The following NEK1 variants were observed in gnomAD, a reference collection of about 807,000 sequenced individuals.
The protein encoded by NEK1 is serine/threonine-protein kinase Nek1.
Under a neutral mutation model 182.1 loss-of-function variants are expected in NEK1, and 137 were observed. The observed-to-expected ratio is 0.75, with a 90% confidence interval of 0.65 to 0.87. The LOEUF is 0.87. Among genes scored for constraint, NEK1 ranks in the 40% least tolerant of loss-of-function variants. NEK1 has a pLI of 0.00. For missense variants in NEK1, 1,391 were observed against 1,494.4 expected (o/e 0.93, Z 1.14); for synonymous variants, 513 against 492.2 (o/e 1.04, Z -0.56).
In NEK1 at chr4:169,555,913, C is replaced by T. The variant is rs764372269; in HGVS notation, c.1430+19G>A. 1 of 1,613,388 alleles carries T rather than the reference C, an allele frequency of 6.2e-7. No homozygotes were observed. On this transcript the variant is annotated intron_variant, in intron 17 of 35. Coordinates refer to ENST00000507142, the MANE Select transcript of NEK1 (RefSeq NM_001199397.3). ...CTCAGAAGCAAAGCATAAGCAACTT[C>T]TGCAGAACATAGCCATACCTTTCTG... is the stretch of plus-strand genomic sequence containing the variant.
chr4:169,587,497 A>C, intron 9 of NEK1, 62 bp downstream of exon 9: 1 of 917,178 alleles, frequency 1.1e-6, no homozygotes, highest in African/African-American at 1.8e-5. Context: ...TTAAAATATA[A>C]TAAAAACATT....
intron 18 of NEK1, among the ~76,000 whole-genome samples, chr4:169,538,460 T>C (rs1255035149): frequency 6.6e-6 from 1 of 151,910 alleles, no homozygotes; most frequent in Non-Finnish European, 1.5e-5. Context: ...CAGTTATTTG[T>C]TTTAATCTTT....
chr4:169,437,657 A>G (rs549641720), intron 28 of NEK1, among the ~76,000 whole-genome samples: 9 of 152,322 alleles, frequency 5.9e-5, no homozygotes, highest in Admixed American at 5.2e-4. Flanking sequence ...CCTGCCAGAA[A>G]GAGTACATAG....
At chr4:169,544,928 C>A (rs1389746745) in intron 18 of NEK1, among the ~76,000 whole-genome samples, 27 of 151,578 alleles carry the variant, frequency 1.8e-4, no homozygotes, top group Admixed American at 1.2e-3. Flanking sequence ...TAAAAAAAAA[C>A]CAGCTCCTGG....
chr4:169,404,396 A>C (rs556941673), intron 32 of NEK1, among the ~76,000 whole-genome samples: 22 of 152,290 alleles, frequency 1.4e-4, no homozygotes, highest in African/African-American at 4.1e-4. Context: ...CAGAAACTTA[A>C]GAAGCAAGGG....
At chr4:169,569,825 G>C (rs1044411911) in intron 12 of NEK1, among the ~76,000 whole-genome samples, 1 of 152,176 alleles carries the variant, frequency 6.6e-6, no homozygotes, top group African/African-American at 2.4e-5. Context: ...GTGCAGTGTC[G>C]TGATCTCGGC....
chr4:169,400,296 A>C lies in NEK1; in HGVS notation c.3776T>G (p.Leu1259Trp). The stretch of plus-strand genomic sequence containing the variant: ...ATAAAGATGCTGATGTTCATTTCCC[A>C]AAATATTTTGAACTATTTTTGAACA... ...EICSKIVQNI[L>W]GNEHQHLYAK... Residue 1259 changes from leucine to tryptophan, a missense_variant, in exon 35 of 36, where the codon TTG becomes TGG. Leu to Trp is a moderately conservative substitution (Grantham distance 61, BLOSUM62 -2). Transcript: ENST00000507142. The C allele has an allele frequency of 6.4e-7, 1 of 1,557,246 alleles. No individual in the cohort carries two copies. Among genetic ancestry groups the C allele is most frequent in the South Asian group, 1.2e-5 (1 of 84,020 alleles).
chr4:169,476,296 T>C (rs1746933927), intron 26 of NEK1, among the ~76,000 whole-genome samples: 1 of 152,122 alleles, frequency 6.6e-6, no homozygotes, highest in African/African-American at 2.4e-5. Context: ...TCTTATGTAT[T>C]CCTGCAGTAG....
At position 169,400,548 on chromosome 4, in the gene NEK1, T is replaced by A; in HGVS notation, c.3687A>T (p.Lys1229Asn). 6.2e-7 allele frequency: 1 copy of A among 1,605,214 alleles called. No homozygotes were observed. Among genetic ancestry groups the A allele is most frequent in the Non-Finnish European group, 8.5e-7 (1 of 1,176,986 alleles). ...TTATTTTCTCATAAACCTCAAAGAA[T>A]TTTTCAAAGCCCATTTCCTGCTCCA... The part of the protein sequence containing the change: ...LHLEQEMGFE[K>N]FFEVYEKIKA... The change falls in exon 34 of 36, where the codon AAA (lysine) becomes AAT (asparagine). Residue 1229 changes from lysine (K) to asparagine (N), a missense_variant. Lys to Asn is a moderately conservative substitution (Grantham distance 94, BLOSUM62 0). This residue lies in a region of NEK1 where 1,216 missense variants were observed against 1,277.6 expected (regional missense o/e 0.95). Coordinates refer to ENST00000507142, the MANE Select transcript of NEK1 (RefSeq NM_001199397.3).
intron 18 of NEK1, among the ~76,000 whole-genome samples, chr4:169,542,797 CT>C (rs1291702437): frequency 6.6e-6 from 1 of 151,062 alleles, no homozygotes; most frequent in African/African-American, 2.4e-5. Context: ...TAAATGTCTT[CT>C]TTTGAGAAGT....
At chr4:169,452,403 G>A (rs138177055) in intron 27 of NEK1, among the ~76,000 whole-genome samples, 1,924 of 152,212 alleles carry the variant, frequency 0.013, 41 homozygotes, top group African/African-American at 0.044. Context: ...ACGTCGATGC[G>A]AAAATCCTCA....
intron 23 of NEK1, among the ~76,000 whole-genome samples, chr4:169,505,123 C>A (rs1753031200): frequency 1.3e-5 from 2 of 152,040 alleles, no homozygotes; most frequent in South Asian, 2.1e-4. Flanking sequence ...AGGTTCAAAT[C>A]TTTGTTCTGC....
intron 29 of NEK1, among the ~76,000 whole-genome samples, chr4:169,431,163 T>C (rs920080538): frequency 6.6e-6 from 1 of 152,062 alleles, no homozygotes; most frequent in Non-Finnish European, 1.5e-5. Flanking sequence ...GATGAGCCAA[T>C]GCAGATTGGG....
At chr4:169,530,382 C>G (rs1313703595) in intron 19 of NEK1, among the ~76,000 whole-genome samples, 3 of 152,054 alleles carry the variant, frequency 2.0e-5, no homozygotes, top group Non-Finnish European at 4.4e-5. Context: ...ACCTTAAGTA[C>G]CCATACAACC....
At chr4:169,507,885 C>T in intron 21 of NEK1, 93 bp from the exon 22 acceptor site, 2 of 948,206 alleles carry the variant, frequency 2.1e-6, no homozygotes, top group South Asian at 3.1e-5. Flanking sequence ...AAACTAAAAT[C>T]TAAAAATATA....
chr4:169,611,764 T>C (rs1772359620), intron 2 of NEK1, among the ~76,000 whole-genome samples: 1 of 152,246 alleles, frequency 6.6e-6, no homozygotes, highest in Non-Finnish European at 1.5e-5. Flanking sequence ...ATGCAAATGC[T>C]TGCTTATCCA....
rs536083876 is a variant in NEK1 at position 169,538,013 on chromosome 4, A to C, written c.1563-102T>G. 28 of 704,424 alleles carry C rather than the reference A, an allele frequency of 4.0e-5. No homozygotes were observed. In the South Asian group the frequency reaches 6.0e-4, roughly 15 times the overall value. 43.6% of individuals were successfully genotyped at this position (704,424 alleles called of 1,614,324 possible). On this transcript the variant is annotated intron_variant, in intron 18 of 35. Transcript: ENST00000507142. ...AATTTTTTTTTCATTTCAGAATATG[A>C]AGGCTGATGAAACACTATCTCTGTA... is the stretch of plus-strand genomic sequence containing the variant.
chr4:169,403,156 C>T lies in NEK1; in HGVS notation c.3375-1296G>A, dbSNP rs768458688. ...TTTATTTTGTACTTATATGTACAAA[C>T]GCCTACAATTTGACTTGTAGGAGCT... On this transcript the variant is annotated intron_variant, in intron 32 of 35. Coordinates refer to ENST00000507142, the MANE Select transcript of NEK1 (RefSeq NM_001199397.3). Among the ~76,000 whole-genome samples the T allele has an allele frequency of 8.5e-5, 13 of 152,224 alleles. No individual in the cohort carries two copies. The East Asian group carries it at 1.7e-3, about 20-fold the overall frequency.
At chr4:169,468,172 G>A (rs1049618098) in intron 26 of NEK1, among the ~76,000 whole-genome samples, 3 of 152,004 alleles carry the variant, frequency 2.0e-5, no homozygotes, top group Non-Finnish European at 1.5e-5. Flanking sequence ...CCAGAGGTGA[G>A]AGATTAGGGA....
Sources: gnomAD v4.1 joint callset for allele counts (sites outside exome capture counted in the v4.1 genomes callset) on GRCh38, gnomAD v4.1.1 for gene constraint, gnomAD v4.1.1 regional missense constraint, MANE v1.5 for transcripts, NCBI Gene and HGNC (gene_info 2026-07-23, HGNC 2026-07-21) for gene names.